Variants in RRM2 observed in about 807,000 individuals in gnomAD.
The protein encoded by RRM2 is ribonucleoside-diphosphate reductase subunit M2.
In RRM2, 6 loss-of-function variants were observed where a neutral mutation model predicts 45.9. The observed-to-expected ratio is 0.13, with a 90% CI of 0.07 to 0.26. The LOEUF (loss-of-function observed/expected upper bound fraction) is 0.26, where lower values mean the gene tolerates loss of function less well. Among genes scored for constraint, RRM2 ranks in the 10% least tolerant of loss-of-function variants. The pLI, the probability that RRM2 is intolerant of heterozygous loss-of-function variation, is 1.00. For synonymous variants in RRM2, 177 were observed against 173.0 expected, an observed-to-expected ratio of 1.02 and a Z score of -0.18; for missense variants, 343 against 489.5, an observed-to-expected ratio of 0.70 and a Z score of 2.82.
At chr2:10,175,945 G>C (rs923342606) in intron 3 of RRM2, among the ~76,000 whole-genome samples, 1 of 152,104 alleles carries the variant, frequency 6.6e-6, no homozygotes, top group African/African-American at 2.4e-5. Flanking sequence ...TACCTCCTAT[G>C]GGTGGATTCA....
In RRM2 at chr2:10,130,479, T is replaced by G. The variant is rs1350986799; in HGVS notation, c.*1093T>G. ...TTTTTATTATCTATGTTCTTCTAGA[T>G]TTTACCTGTAGTTCATACTTCAGTC... is the stretch of plus-strand genomic sequence containing the variant. On this transcript the variant is annotated 3_prime_UTR_variant, in exon 10 of 10. Transcript: ENST00000304567. The G allele has an allele frequency of 6.6e-6, 1 of 152,158 alleles. No individual in the cohort carries two copies. Among genetic ancestry groups the G allele is most frequent in the Non-Finnish European group, 1.5e-5 (1 of 68,038 alleles). 9.4% of individuals were successfully genotyped at this position (152,158 alleles called of 1,614,324 possible). A position where few individuals can be genotyped will look rare whatever the true frequency, so the allele number is the denominator to read the frequency against.
upstream of RRM2, among the ~76,000 whole-genome samples, chr2:10,138,969 G>T (rs776854948): frequency 1.3e-5 from 2 of 152,128 alleles, no homozygotes; most frequent in Non-Finnish European, 2.9e-5. Flanking sequence ...TTAGCCGGAC[G>T]TGGTGATGGG....
At position 10,200,429 on chromosome 2, in the gene RRM2, CCGCGCGCG is replaced by C. The variant is rs1558406535; in HGVS notation, n.483-9880_483-9873del. ...GCACAAAATATGAGGCCCACAGGGA[CCGCGCGCG>C]CAAAATATGAGGCCCACAGGGACCG... On this transcript the variant is annotated intron_variant and non_coding_transcript_variant, in intron 3 of 3. Coordinates refer to the RRM2 transcript ENST00000381786. Among the ~76,000 whole-genome samples the C allele has an allele frequency of 1.2e-4, 16 of 137,692 alleles. No homozygotes were observed. In the East Asian group the frequency reaches 1.6e-3, roughly 14 times the overall value. 90.3% of individuals were successfully genotyped at this position (137,692 alleles called of 152,430 possible). A position where few individuals can be genotyped will look rare whatever the true frequency, so the allele number is the denominator to read the frequency against.
At position 10,172,896 on chromosome 2, in the gene RRM2, CCT is replaced by C. The variant is rs1663832150; in HGVS notation, n.482+30522_482+30523del. On this transcript the variant is annotated intron_variant and non_coding_transcript_variant, in intron 3 of 3. Coordinates refer to the RRM2 transcript ENST00000381786. The surrounding 1 kb of genome is among the most constrained non-coding windows in gnomAD (Gnocchi z 4.9). ...GATCCCATACCGGTGATGCCAACCC[CCT>C]GAGTCCCGGGGAACAGTGGCAAATC... 6.6e-6 allele frequency among the ~76,000 whole-genome samples: 1 copy of C among 152,232 alleles called. No individual in the cohort carries two copies.
At chr2:10,126,081 C>CCAT (rs1481257941) in intron 5 of RRM2, among the ~76,000 whole-genome samples, 19 of 150,286 alleles carry the variant, frequency 1.3e-4, no homozygotes, top group African/African-American at 4.4e-4. Context: ...ATGGCTTGAG[C>CCAT]CCTGGAGTTT....
At chr2:10,191,830 G>A (rs997150525) in intron 3 of RRM2, among the ~76,000 whole-genome samples, 4 of 152,190 alleles carry the variant, frequency 2.6e-5, no homozygotes, top group Admixed American at 6.5e-5. Flanking sequence ...TCCAGGGCCC[G>A]GCTGCTGCGG....
chr2:10,187,332 C>T (rs949389110), intron 3 of RRM2, among the ~76,000 whole-genome samples: 1 of 152,240 alleles, frequency 6.6e-6, no homozygotes. Context: ...CTCCTTCCTA[C>T]CTCTGCCACG....
rs560475283 is a variant in RRM2 at position 10,171,448 on chromosome 2, G to C, written n.482+29073G>C. Among the ~76,000 whole-genome samples, 1 of 152,196 alleles carries C rather than the reference G, an allele frequency of 6.6e-6. No homozygotes were observed. The highest frequency in any genetic ancestry group is 2.1e-4 in the South Asian group (1 of 4,834). ...GAGCCGTGCTTCCAGGGCAGCCCCGGCCCTTCATGTCAGCTGGTGACATTT... is the reference window on the plus strand; with the variant it reads ...GAGCCGTGCTTCCAGGGCAGCCCCGCCCCTTCATGTCAGCTGGTGACATTT... On this transcript the variant is annotated intron_variant and non_coding_transcript_variant, in intron 3 of 3. Coordinates refer to the RRM2 transcript ENST00000381786. The surrounding 1 kb of genome is among the most constrained non-coding windows in gnomAD (Gnocchi z 4.1).
At chr2:10,165,410 C>T (rs150062812) in intron 3 of RRM2, among the ~76,000 whole-genome samples, 78 of 152,270 alleles carry the variant, frequency 5.1e-4, no homozygotes, top group African/African-American at 1.8e-3. Context: ...TAGTGGGCTC[C>T]GTAGCTGACG....
intron 3 of RRM2, among the ~76,000 whole-genome samples, chr2:10,188,947 A>T (rs1664226261): frequency 6.6e-6 from 1 of 152,108 alleles, no homozygotes; most frequent in Non-Finnish European, 1.5e-5. Context: ...CCGGCGCCCC[A>T]TGTAGCTGAT....
intron 3 of RRM2, among the ~76,000 whole-genome samples, chr2:10,170,930 G>GGA (rs1663791906): frequency 1.3e-5 from 2 of 152,248 alleles, no homozygotes; most frequent in Non-Finnish European, 2.9e-5. Context: ...TCCTTTAAAA[G>GGA]GAGAGAGCTA....
intron 3 of RRM2, among the ~76,000 whole-genome samples, chr2:10,189,526 C>G (rs978661692): frequency 6.6e-6 from 1 of 152,228 alleles, no homozygotes; most frequent in Non-Finnish European, 1.5e-5. Context: ...CTGCCCCTTG[C>G]TGGGGTGGAA....
chr2:10,176,814 C>T (rs1015378289), intron 3 of RRM2, among the ~76,000 whole-genome samples: 2 of 152,246 alleles, frequency 1.3e-5, no homozygotes, highest in East Asian at 3.9e-4. Flanking sequence ...TGTCATTAAC[C>T]GTCTTGTACA....
chr2:10,135,791 T>C (rs1212038230), downstream of RRM2, among the ~76,000 whole-genome samples: 1 of 152,114 alleles, frequency 6.6e-6, no homozygotes, highest in East Asian at 1.9e-4. Context: ...AAAGAATGAT[T>C]GTTCCTCTGG....
intron 3 of RRM2, among the ~76,000 whole-genome samples, chr2:10,160,329 C>T (rs765179015): frequency 5.3e-5 from 8 of 152,182 alleles, no homozygotes; most frequent in South Asian, 2.1e-4. Context: ...CCCTGGGGAG[C>T]GGTGCCAAAG....
At position 10,129,451 on chromosome 2, in the gene RRM2, GAA is replaced by G; in HGVS notation, c.*66_*67del. On this transcript the variant is annotated 3_prime_UTR_variant, in exon 10 of 10. Transcript: ENST00000304567. The surrounding 1 kb of genome is among the most constrained non-coding windows in gnomAD (Gnocchi z 4.8). Reference sequence around the variant, plus strand: ...TTCCATCTCATAAGAAAAATCAGCTGAAGTGTTACCAACTAGCCACACCATGA... The same window carrying G: ...TTCCATCTCATAAGAAAAATCAGCTGGTGTTACCAACTAGCCACACCATGA... The G allele has an allele frequency of 6.6e-7, 1 of 1,521,016 alleles. No homozygotes were observed. Among genetic ancestry groups the G allele is most frequent in the Non-Finnish European group, 8.9e-7 (1 of 1,123,078 alleles). 94.2% of individuals were successfully genotyped at this position (1,521,016 alleles called of 1,614,324 possible).
At chr2:10,163,300 C>T (rs1558393374) in intron 3 of RRM2, among the ~76,000 whole-genome samples, 1 of 96,660 alleles carries the variant, frequency 1.0e-5, no homozygotes, top group South Asian at 3.1e-4. Flanking sequence ...AACCAAAGGG[C>T]AGAGCTGGGC....
chr2:10,123,153 C>A, intron 2 of RRM2, 96 bp downstream of exon 2: 1 of 1,394,688 alleles, frequency 7.2e-7, no homozygotes, highest in Non-Finnish European at 9.5e-7. Flanking sequence ...ACTCCCGCCC[C>A]GGCTCCTTTC....
chr2:10,183,062 T>A (rs1664093940), intron 3 of RRM2, among the ~76,000 whole-genome samples: 1 of 152,090 alleles, frequency 6.6e-6, no homozygotes. Context: ...ACCCAGCTAC[T>A]TGGGAGGCTA....
Sources: gnomAD v4.1 joint callset for allele counts (sites outside exome capture counted in the v4.1 genomes callset) on GRCh38, gnomAD v4.1.1 for gene constraint, Gnocchi (gnomAD v3.1) non-coding constraint, MANE v1.5 for transcripts, NCBI Gene and HGNC (gene_info 2026-07-23, HGNC 2026-07-21) for gene names.